CFAP20: variants seen among roughly 807,000 people sequenced by gnomAD.
CFAP20 encodes the protein cilia and flagella associated protein 20.
CFAP20 carries 14 observed loss-of-function variants against 25.5 expected under a neutral mutation model. The observed-to-expected ratio is 0.55, with a 90% CI of 0.36 to 0.86. The LOEUF is 0.86. Ranked by LOEUF, CFAP20 falls within the 40% of genes least tolerant of loss-of-function variation. The probability of loss-of-function intolerance (pLI) is 0.01; values close to 1 mark genes in which losing one functional copy is unlikely to be tolerated. For synonymous variants in CFAP20, 75 were observed against 91.1 expected, an observed-to-expected ratio of 0.82 and a Z score of 1.01; for missense variants, 181 against 248.0, an observed-to-expected ratio of 0.73 and a Z score of 1.81.
chr16:58,129,077 G>C lies in CFAP20; in HGVS notation c.39C>G (p.Ile13Met), dbSNP rs1431367309. The change falls in exon 1 of 6, where the codon ATC becomes ATG. Residue 13 changes from isoleucine to methionine, a missense_variant. Physicochemically the swap from Ile to Met is conservative, Grantham distance 10. Transcript: ENST00000262498. ...KNTFQSGFLS[I>M]LYSIGSKPLQ... is the part of the protein sequence containing the mutation. The stretch of plus-strand genomic sequence containing the variant: ...GAGGCTTGCTGCCGATGCTGTAGAG[G>C]ATGGAGAGGAAGCCGCTCTGGAACG... The C allele has an allele frequency of 6.2e-7, 1 of 1,613,768 alleles. No individual in the cohort carries two copies. The highest frequency in any genetic ancestry group is 1.3e-5 in the African/African-American group (1 of 74,872).
At chr16:58,128,832 G>GC (rs35532705) in intron 1 of CFAP20, among the ~76,000 whole-genome samples, 200 bp downstream of exon 1, 34,814 of 73,922 alleles carry the variant, frequency 0.47, 6,712 homozygotes, top group Non-Finnish European at 0.51. Context: ...CACATGCACC[G>GC]CCCCCCCCCC....
intron 1 of CFAP20, among the ~76,000 whole-genome samples, chr16:58,120,124 A>G (rs937397558): frequency 1.3e-5 from 2 of 152,260 alleles, no homozygotes; most frequent in Non-Finnish European, 2.9e-5. Context: ...TAATGAAGAA[A>G]TCATTTCCAA....
chr16:58,120,283 A>G (rs1021122740), intron 1 of CFAP20, among the ~76,000 whole-genome samples: 1 of 152,260 alleles, frequency 6.6e-6, no homozygotes, highest in African/African-American at 2.4e-5. Context: ...AGTTAAATTG[A>G]CAGGATTAAG....
chr16:58,116,303 A>G, intron 2 of CFAP20, 151 bp from the exon 3 acceptor site: 1 of 563,076 alleles, frequency 1.8e-6, no homozygotes, highest in Non-Finnish European at 3.1e-6. Flanking sequence ...GCCCTAAGTC[A>G]GCGGCTGCTT....
rs1345856640 is a variant in CFAP20 at position 58,129,342 on chromosome 16, G to A, written c.-227C>T. On this transcript the variant is annotated 5_prime_UTR_variant, in exon 1 of 6. Coordinates refer to ENST00000262498, the MANE Select transcript of CFAP20 (RefSeq NM_013242.3). Reference sequence around the variant, plus strand: ...CTGCGAGCTCAGAACGGAAACCACAGCAACTACCGTCCGCGCCGCGGTATT... The same window carrying A: ...CTGCGAGCTCAGAACGGAAACCACAACAACTACCGTCCGCGCCGCGGTATT... 1.9e-5 allele frequency: 10 copies of A among 520,144 alleles called. No individual in the cohort carries two copies. The highest frequency in any genetic ancestry group is 6.2e-5 in the East Asian group (2 of 32,030). The allele number at this position is 520,144 out of a possible 1,614,324, so 32.2% of individuals were successfully genotyped here.
At position 58,129,363 on chromosome 16, in the gene CFAP20, G is replaced by T; in HGVS notation, c.-248C>A. On this transcript the variant is annotated 5_prime_UTR_variant, in exon 1 of 6. Coordinates refer to ENST00000262498, the MANE Select transcript of CFAP20 (RefSeq NM_013242.3). ...CACAGCAACTACCGTCCGCGCCGCGGTATTTCCCCGCCTTCAATGGAGGCG... is the reference window on the plus strand; with the variant it reads ...CACAGCAACTACCGTCCGCGCCGCGTTATTTCCCCGCCTTCAATGGAGGCG... 2.1e-6 allele frequency: 1 copy of T among 484,410 alleles called. No homozygotes were observed. The highest frequency in any genetic ancestry group is 3.7e-6 in the Non-Finnish European group (1 of 270,438). The allele number at this position is 484,410 out of a possible 1,614,324, so 30.0% of individuals were successfully genotyped here. A position where few individuals can be genotyped will look rare whatever the true frequency, so the allele number is the denominator to read the frequency against.
In CFAP20 at chr16:58,115,907, G is replaced by A. The variant is rs571891636; in HGVS notation, c.276+134C>T. 1.1e-5 allele frequency: 7 copies of A among 615,728 alleles called. No homozygotes were observed. In the East Asian group the frequency reaches 1.4e-4, roughly 12 times the overall value. The allele number at this position is 615,728 out of a possible 1,614,324, so 38.1% of individuals were successfully genotyped here. ...AAATTTACATAACAAGGACTGCACT[G>A]GGCTTATACTAGAAGCAGAAAAGAA... On this transcript the variant is annotated intron_variant, in intron 3 of 5. Coordinates refer to ENST00000262498, the MANE Select transcript of CFAP20 (RefSeq NM_013242.3).
intron 1 of CFAP20, among the ~76,000 whole-genome samples, chr16:58,118,525 C>A (rs58720218): frequency 0.033 from 4,698 of 142,408 alleles, 92 homozygotes; most frequent in East Asian, 0.086. Context: ...AAAAAAAAAA[C>A]AAAACCAAAA....
At chr16:58,114,955 G>A in intron 4 of CFAP20, 35 bp from the exon 5 acceptor site, 1 of 1,539,422 alleles carries the variant, frequency 6.5e-7, no homozygotes, top group Middle Eastern at 1.7e-4. Flanking sequence ...GAGGCGAAAT[G>A]TGACTGTTCT....
chr16:58,118,524 A>AT (rs1398893718), intron 1 of CFAP20, among the ~76,000 whole-genome samples: 1 of 150,196 alleles, frequency 6.7e-6, no homozygotes, highest in Non-Finnish European at 1.5e-5. Context: ...AAAAAAAAAA[A>AT]CAAAACCAAA....
chr16:58,128,396 G>T (rs1017743097), intron 1 of CFAP20, among the ~76,000 whole-genome samples: 1 of 152,206 alleles, frequency 6.6e-6, no homozygotes, highest in Non-Finnish European at 1.5e-5. Flanking sequence ...AAGTCACAGT[G>T]AGTGTGGAGC....
chr16:58,120,848 G>A (rs1424441205), intron 1 of CFAP20, among the ~76,000 whole-genome samples: 2 of 152,182 alleles, frequency 1.3e-5, no homozygotes, highest in Non-Finnish European at 2.9e-5. Flanking sequence ...CTGGTGGTAA[G>A]ACAAACTAAA....
intron 1 of CFAP20, among the ~76,000 whole-genome samples, chr16:58,128,686 C>T (rs1960657588): frequency 3.3e-5 from 5 of 152,178 alleles, no homozygotes; most frequent in Admixed American, 3.3e-4. Flanking sequence ...GAGATGGGCA[C>T]CATCAACCCC....
At chr16:58,127,796 A>G (rs1960637895) in intron 1 of CFAP20, among the ~76,000 whole-genome samples, 1 of 152,210 alleles carries the variant, frequency 6.6e-6, no homozygotes, top group East Asian at 1.9e-4. Context: ...CTATGGACAC[A>G]CCATCCTAAA....
Position 58,115,661 on chromosome 16 carries a change from C to G in CFAP20, c.277-204G>C, listed in dbSNP as rs1240777306. 2.1e-5 allele frequency: 13 copies of G among 614,944 alleles called. No homozygotes were observed. The East Asian group carries it at 3.4e-4, about 16-fold the overall frequency. The allele number at this position is 614,944 out of a possible 1,614,324, so 38.1% of individuals were successfully genotyped here. A position where few individuals can be genotyped will look rare whatever the true frequency, so the allele number is the denominator to read the frequency against. On this transcript the variant is annotated intron_variant, in intron 3 of 5. Coordinates refer to ENST00000262498, the MANE Select transcript of CFAP20 (RefSeq NM_013242.3). ...TATCTTGTTTGTTGCCAAGACAACA[C>G]CAGCTGCTTATGACATATAACACAG... is the stretch of plus-strand genomic sequence containing the variant.
chr16:58,125,890 G>A (rs932657826), intron 1 of CFAP20, among the ~76,000 whole-genome samples: 2 of 152,114 alleles, frequency 1.3e-5, no homozygotes, highest in Non-Finnish European at 2.9e-5. Context: ...GTCACTAAGC[G>A]ACAGGAATTT....
intron 1 of CFAP20, among the ~76,000 whole-genome samples, chr16:58,118,432 G>A (rs905497662): frequency 2.0e-5 from 3 of 151,516 alleles, no homozygotes; most frequent in Non-Finnish European, 1.5e-5. Flanking sequence ...GCAGTGAGCT[G>A]TGTTTGTGCC....
At chr16:58,116,662 C>T in intron 2 of CFAP20, 2 of 543,450 alleles carry the variant, frequency 3.7e-6, no homozygotes, top group Non-Finnish European at 6.5e-6. Flanking sequence ...TCGCAATAAC[C>T]CTATAAGGAA....
At chr16:58,118,565 C>G (rs1960489794) in intron 1 of CFAP20, among the ~76,000 whole-genome samples, 1 of 149,954 alleles carries the variant, frequency 6.7e-6, no homozygotes, top group Admixed American at 6.6e-5. Context: ...CATGGTGGTT[C>G]ACGCTTGTAA....
Sources: allele counts gnomAD v4.1 joint callset (sites outside exome capture counted in the v4.1 genomes callset), GRCh38; gene constraint gnomAD v4.1.1; transcripts MANE v1.5; gene names NCBI Gene and HGNC (gene_info 2026-07-23, HGNC 2026-07-21).